The following PLAA variants were observed in gnomAD, a reference collection of about 807,000 sequenced individuals.
PLAA encodes the protein phospholipase A2 activating protein.
PLAA carries 48 observed loss-of-function variants against 84.1 expected under a neutral mutation model. That is an observed-to-expected ratio of 0.57 (90% confidence interval 0.45 to 0.73). PLAA has a LOEUF of 0.73. Among genes scored for constraint, PLAA ranks in the 30% least tolerant of loss-of-function variants. The pLI is 0.00. For missense variants in PLAA, 903 were observed against 954.7 expected, an observed-to-expected ratio of 0.95 and a Z score of 0.71; for synonymous variants, 392 against 336.6, an observed-to-expected ratio of 1.16 and a Z score of -1.80.
intron 9 of PLAA, 115 bp from the exon 10 acceptor site, chr9:26,917,280 T>C (rs1824594155): frequency 1.3e-6 from 1 of 741,542 alleles, no homozygotes; most frequent in Non-Finnish European, 2.3e-6. Flanking sequence ...AGAGCAAAAC[T>C]TTCACATGAT....
intron 10 of PLAA, 145 bp downstream of exon 10, chr9:26,916,952 T>TA: frequency 1.4e-6 from 1 of 714,532 alleles, no homozygotes; most frequent in Non-Finnish European, 2.3e-6. Context: ...AATCAGAAGT[T>TA]AAAGAAAAGG....
Position 26,932,506 on chromosome 9 carries a change from G to T in PLAA, c.343+2507C>A, listed in dbSNP as rs895302217. On this transcript the variant is annotated intron_variant, in intron 2 of 13. Coordinates refer to ENST00000397292, the MANE Select transcript of PLAA (RefSeq NM_001031689.3). ...ATTCATTTATTTACTGTCTATAGCTGCTGTGCACTACAACTGCAGAGTTGA... is the reference window on the plus strand; with the variant it reads ...ATTCATTTATTTACTGTCTATAGCTTCTGTGCACTACAACTGCAGAGTTGA... Among the ~76,000 whole-genome samples, 9 of 152,336 alleles carry T rather than the reference G, an allele frequency of 5.9e-5. No individual in the cohort carries two copies. The South Asian group carries it at 1.9e-3, about 32-fold the overall frequency.
rs1587142283 is a variant in PLAA at position 26,903,602 on chromosome 9, T to C, written c.*1909A>G. ...TTTACTCAATAAATATTTATTACTT[T>C]TGTATTCAGAAAAAACATTAAGAGA... is the stretch of plus-strand genomic sequence containing the variant. On this transcript the variant is annotated 3_prime_UTR_variant, in exon 14 of 14. Transcript: ENST00000397292. Among the ~76,000 whole-genome samples the C allele has an allele frequency of 6.6e-6, 1 of 152,208 alleles. No individual in the cohort carries two copies. The highest frequency in any genetic ancestry group is 1.9e-4 in the East Asian group (1 of 5,204).
At chr9:26,908,206 C>T (rs1275202267) in intron 12 of PLAA, among the ~76,000 whole-genome samples, 5 of 140,994 alleles carry the variant, frequency 3.5e-5, no homozygotes, top group Admixed American at 2.2e-4. Flanking sequence ...CCTGCTCAGT[C>T]GCCCAGGCTG....
At chr9:26,906,665 TG>T (rs1175510917) in intron 13 of PLAA, among the ~76,000 whole-genome samples, 1 of 151,990 alleles carries the variant, frequency 6.6e-6, no homozygotes, top group Non-Finnish European at 1.5e-5. Context: ...TGACTTCAGG[TG>T]ATCTACCCAA....
intron 1 of PLAA, among the ~76,000 whole-genome samples, chr9:26,940,475 C>T (rs547556707): frequency 6.6e-6 from 1 of 152,218 alleles, no homozygotes; most frequent in African/African-American, 2.4e-5. Context: ...AAAGTAGAAT[C>T]GTGGTTGCCA....
In PLAA at chr9:26,928,400, G is replaced by T. The variant is rs373998160; in HGVS notation, c.352C>A (p.Leu118Ile). Residue 118 changes from leucine to isoleucine, a missense_variant, in exon 3 of 14, where the codon CTA becomes ATA. Leu to Ile is a conservative substitution (Grantham distance 5). Coordinates refer to ENST00000397292, the MANE Select transcript of PLAA (RefSeq NM_001031689.3). ...LKGHKNTVCSLSSGKFGTLLS... is the reference protein window; with the variant it reads ...LKGHKNTVCSISSGKFGTLLS... ...AATGTCCCAAATTTTCCAGATGATA[G>T]ACTACAAACTAAGGAAAAAACATCA... The T allele has an allele frequency of 8.7e-6, 14 of 1,601,506 alleles. No homozygotes were observed. The highest frequency in any genetic ancestry group is 1.2e-5 in the Non-Finnish European group (14 of 1,168,674).
intron 4 of PLAA, 104 bp downstream of exon 4, chr9:26,927,996 T>A: frequency 3.3e-6 from 4 of 1,216,028 alleles, no homozygotes; most frequent in Non-Finnish European, 4.6e-6. Flanking sequence ...AGCTTAAATA[T>A]ACTAATGTTT....
At chr9:26,916,459 A>G in intron 10 of PLAA, 1 of 986,988 alleles carries the variant, frequency 1.0e-6, no homozygotes, top group Non-Finnish European at 1.2e-6. Context: ...TTCATTTTGA[A>G]GAGATACACC....
Position 26,904,968 on chromosome 9 carries a change from G to C in PLAA, c.*543C>G, listed in dbSNP as rs1034936891. On this transcript the variant is annotated 3_prime_UTR_variant, in exon 14 of 14. Coordinates refer to ENST00000397292, the MANE Select transcript of PLAA (RefSeq NM_001031689.3). ...AGGCCATTAAACAAATATACTTTAGGATTTATAAATGACAAATCAAGAAAT... is the reference window on the plus strand; with the variant it reads ...AGGCCATTAAACAAATATACTTTAGCATTTATAAATGACAAATCAAGAAAT... 1 of 151,020 alleles carries C rather than the reference G, an allele frequency of 6.6e-6. No homozygotes were observed. Among genetic ancestry groups the C allele is most frequent in the African/African-American group, 2.4e-5 (1 of 41,090 alleles). The allele number at this position is 151,020 out of a possible 1,614,324, so 9.4% of individuals were successfully genotyped here.
intron 2 of PLAA, among the ~76,000 whole-genome samples, chr9:26,930,844 A>T (rs550631009): frequency 6.6e-6 from 1 of 151,656 alleles, no homozygotes; most frequent in East Asian, 2.0e-4. Context: ...CGGCCTCCCA[A>T]AGTGCTGGGA....
In PLAA at chr9:26,904,235, A is replaced by C. The variant is rs1824163471; in HGVS notation, c.*1276T>G. 1 of 152,208 alleles carries C rather than the reference A, an allele frequency of 6.6e-6. No individual in the cohort carries two copies. The highest frequency in any genetic ancestry group is 2.4e-5 in the African/African-American group (1 of 41,474). 9.4% of individuals were successfully genotyped at this position (152,208 alleles called of 1,614,324 possible). A position where few individuals can be genotyped will look rare whatever the true frequency, so the allele number is the denominator to read the frequency against. On this transcript the variant is annotated 3_prime_UTR_variant, in exon 14 of 14. Transcript: ENST00000397292. ...GAACAATTATTCTTCTAAGGCTATA[A>C]TTTGGCATTAAGCCAGGGGATTCAT...
chr9:26,925,268 G>T (rs138865174), intron 6 of PLAA, among the ~76,000 whole-genome samples: 1 of 152,176 alleles, frequency 6.6e-6, no homozygotes, highest in South Asian at 2.1e-4. Flanking sequence ...TCTTGCTCAA[G>T]AACTACAACC....
chr9:26,914,112 T>C (rs531583401), intron 10 of PLAA, among the ~76,000 whole-genome samples, 165 bp from the exon 11 acceptor site: 1 of 152,350 alleles, frequency 6.6e-6, no homozygotes, highest in East Asian at 1.9e-4. Context: ...GAACAGTGCC[T>C]GAGCATATCA....
rs1824284500 is a variant in PLAA, at chr9:26,907,881, G to A, written c.1775C>T (p.Thr592Ile). The change falls in exon 13 of 14, where the codon ACA becomes ATA. Residue 592 changes from threonine to isoleucine, a missense_variant. Transcript: ENST00000397292. The stretch of plus-strand genomic sequence containing the variant: ...CCACAAAATCTGAAGTTGCTGGACT[G>A]TGGGTTTTTCTGAAGAACTATTACA... ...LICNSSSEKP[T>I]VQQLQILWKA... 1 of 1,611,618 alleles carries A rather than the reference G, an allele frequency of 6.2e-7. No homozygotes were observed. Among genetic ancestry groups the A allele is most frequent in the Non-Finnish European group, 8.5e-7 (1 of 1,179,378 alleles).
At chr9:26,918,132 G>A (rs1467536046) in intron 9 of PLAA, among the ~76,000 whole-genome samples, 4 of 151,838 alleles carry the variant, frequency 2.6e-5, no homozygotes, top group Non-Finnish European at 5.9e-5. Flanking sequence ...ATTTTTTTCA[G>A]ACGGAATCTT....
chr9:26,938,422 C>T (rs1044161785), intron 1 of PLAA, among the ~76,000 whole-genome samples: 1 of 152,156 alleles, frequency 6.6e-6, no homozygotes, highest in Non-Finnish European at 1.5e-5. Flanking sequence ...TGTGATAGTA[C>T]ACACCTGTAG....
At position 26,913,881 on chromosome 9, in the gene PLAA, G is replaced by A. The variant is rs769731728; in HGVS notation, c.1553C>T (p.Thr518Ile). 32 of 1,603,840 alleles carry A rather than the reference G, an allele frequency of 2.0e-5. No individual in the cohort carries two copies. The highest frequency in any genetic ancestry group is 2.6e-5 in the Non-Finnish European group (30 of 1,171,418). ...GTTMAGVDPF[T>I]GNSAYRSAAS... Reference sequence around the variant, plus strand: ...AAAAAGAAATAAAAAGTATGTACCTGTAAATGGATCAACTCCGGCCATGGT... The same window carrying A: ...AAAAAGAAATAAAAAGTATGTACCTATAAATGGATCAACTCCGGCCATGGT... The change falls in exon 11 of 14, where the codon ACA (threonine) becomes ATA (isoleucine). Residue 518 changes from threonine to isoleucine, a missense_variant and splice_region_variant. Physicochemically the swap from Thr to Ile is moderately conservative, Grantham distance 89 (BLOSUM62 -1). Transcript: ENST00000397292.
intron 1 of PLAA, among the ~76,000 whole-genome samples, chr9:26,938,007 C>T (rs1233983990): frequency 6.6e-6 from 1 of 151,930 alleles, no homozygotes; most frequent in African/African-American, 2.4e-5. Context: ...TGGAAACATC[C>T]CAAATTTGAT....
Sources: gnomAD v4.1 joint callset for allele counts (sites outside exome capture counted in the v4.1 genomes callset) on GRCh38, gnomAD v4.1.1 for gene constraint, MANE v1.5 for transcripts, NCBI Gene and HGNC (gene_info 2026-07-23, HGNC 2026-07-21) for gene names.